PDGFRA: variants seen among roughly 807,000 people sequenced by gnomAD.
PDGFRA encodes the protein platelet-derived growth factor receptor alpha.
PDGFRA carries 25 observed loss-of-function variants against 121.5 expected under a neutral mutation model. That is an observed-to-expected ratio of 0.21 (90% CI 0.15 to 0.29). PDGFRA has a LOEUF of 0.29. Ranked by LOEUF, PDGFRA falls within the 10% of genes least tolerant of loss-of-function variation. PDGFRA has a pLI of 1.00. For missense variants in PDGFRA, 1,008 were observed against 1,345.1 expected, an observed-to-expected ratio of 0.75 and a Z score of 3.92; for synonymous variants, 463 against 494.8, an observed-to-expected ratio of 0.94 and a Z score of 0.85.
intron 9 of PDGFRA, 81 bp from the exon 10 acceptor site, chr4:54,273,456 A>G: frequency 8.9e-7 from 1 of 1,118,158 alleles, no homozygotes; most frequent in Non-Finnish European, 1.4e-6. Context: ...ACTCCTTGCC[A>G]TCTTAGAGTG....
intron 1 of PDGFRA, among the ~76,000 whole-genome samples, chr4:54,257,493 C>T (rs766164132): frequency 2.6e-5 from 4 of 152,164 alleles, no homozygotes; most frequent in Admixed American, 6.5e-5. Flanking sequence ...TTTTGGGATT[C>T]ACCATGTGAC....
chr4:54,285,722 G>A, intron 17 of PDGFRA, 119 bp from the exon 18 acceptor site: 2 of 1,110,678 alleles, frequency 1.8e-6, no homozygotes, highest in East Asian at 2.3e-5. Flanking sequence ...GAGAAGGCCA[G>A]CCCTTTATAT....
intron 3 of PDGFRA, among the ~76,000 whole-genome samples, chr4:54,261,921 A>T (rs1453911868): frequency 8.7e-5 from 6 of 69,196 alleles, no homozygotes; most frequent in Non-Finnish European, 1.7e-4. Context: ...ATATATATAT[A>T]TATATATATA....
chr4:54,272,478 C>T lies in PDGFRA; in HGVS notation c.1322C>T (p.Pro441Leu), dbSNP rs1031763557. The change falls in exon 9 of 23, where the codon CCG (proline) becomes CTG (leucine). Residue 441 changes from proline to leucine, a missense_variant. Physicochemically the swap from Pro to Leu is moderately conservative, Grantham distance 98 (BLOSUM62 -3). Around this residue, in one of 5 missense-constraint regions of PDGFRA, gnomAD observed 575 missense variants for 701.8 expected, o/e 0.82. Transcript: ENST00000257290. ...QTVRCTAEGT[P>L]LPDIEWMICK... ...GTGAGGTGCACAGCTGAAGGCACGC[C>T]GCTTCCTGATATTGAGTGGATGATA... is the stretch of plus-strand genomic sequence containing the variant. 7 of 1,613,792 alleles carry T rather than the reference C, an allele frequency of 4.3e-6. No individual in the cohort carries two copies. Among genetic ancestry groups the T allele is most frequent in the South Asian group, 1.1e-5 (1 of 91,080 alleles).
intron 1 of PDGFRA, among the ~76,000 whole-genome samples, chr4:54,248,083 A>G (rs938968090): frequency 6.6e-6 from 1 of 152,244 alleles, no homozygotes; most frequent in African/African-American, 2.4e-5. Context: ...AACAAATGGA[A>G]GACCATTCCA....
intron 21 of PDGFRA, 86 bp from the exon 22 acceptor site, chr4:54,290,227 A>G: frequency 9.2e-7 from 1 of 1,089,858 alleles, no homozygotes. Context: ...TGTACAGTTA[A>G]ATAATAGTAA....
Position 54,267,308 on chromosome 4 carries a change from T to G in PDGFRA, c.779T>G (p.Met260Arg), listed in dbSNP as rs1412240615. ...CTGTAGAAAGGCAAAGGCATCACAA[T>G]GCTGGAAGAAATCAAAGTCCCATCC... ...PGEVKGKGITMLEEIKVPSIK... is the reference protein window; with the variant it reads ...PGEVKGKGITRLEEIKVPSIK... The change falls in exon 6 of 23, where the codon ATG becomes AGG. Residue 260 changes from methionine (M) to arginine (R), a missense_variant. Coordinates refer to ENST00000257290, the MANE Select transcript of PDGFRA (RefSeq NM_006206.6). 6.2e-7 allele frequency: 1 copy of G among 1,614,120 alleles called. No individual in the cohort carries two copies. The highest frequency in any genetic ancestry group is 8.5e-7 in the Non-Finnish European group (1 of 1,179,970).
chr4:54,243,905 G>C (rs1468220861), intron 1 of PDGFRA, among the ~76,000 whole-genome samples: 1 of 152,160 alleles, frequency 6.6e-6, no homozygotes, highest in Non-Finnish European at 1.5e-5. Flanking sequence ...GGCACACCAG[G>C]AGATTATATC....
rs1473780287 is a variant in PDGFRA, at chr4:54,296,258, G to T, written c.*986G>T. ...GATTAGAAACAAACAAAACTCTTAA[G>T]TCCTAAAAGTTCTCAATGTAGAGGC... On this transcript the variant is annotated 3_prime_UTR_variant, in exon 23 of 23. Coordinates refer to ENST00000257290, the MANE Select transcript of PDGFRA (RefSeq NM_006206.6). 4.3e-6 allele frequency: 1 copy of T among 232,574 alleles called. No homozygotes were observed. The highest frequency in any genetic ancestry group is 5.6e-5 in the Admixed American group (1 of 17,762). 14.4% of individuals were successfully genotyped at this position (232,574 alleles called of 1,614,324 possible).
Position 54,260,046 on chromosome 4 carries a change from C to G in PDGFRA, c.50-1049C>G, listed in dbSNP as rs146189820. On this transcript the variant is annotated intron_variant, in intron 2 of 22. Coordinates refer to ENST00000257290, the MANE Select transcript of PDGFRA (RefSeq NM_006206.6). ...TTGCTGCATTGCACTTACTCTATTGCAAAAGGAGTAAGTGCAATTTCAGTC... is the reference window on the plus strand; with the variant it reads ...TTGCTGCATTGCACTTACTCTATTGGAAAAGGAGTAAGTGCAATTTCAGTC... 5.8e-3 allele frequency among the ~76,000 whole-genome samples: 875 copies of G among 152,100 alleles called. 31 individuals carry two copies. Among genetic ancestry groups the G allele is most frequent in the Admixed American group, 0.044 (679 of 15,274 alleles).
intron 1 of PDGFRA, among the ~76,000 whole-genome samples, chr4:54,241,395 G>A (rs1289795570): frequency 1.3e-5 from 2 of 151,936 alleles, no homozygotes; most frequent in Non-Finnish European, 2.9e-5. Flanking sequence ...TAGAAAAGAA[G>A]GAAATATAGG....
At chr4:54,279,123 G>A (rs1723926618) in intron 15 of PDGFRA, among the ~76,000 whole-genome samples, 1 of 152,208 alleles carries the variant, frequency 6.6e-6, no homozygotes, top group Admixed American at 6.5e-5. Flanking sequence ...CAAGGCTTGT[G>A]AGTTGAAAAA....
chr4:54,292,233 G>A (rs577055265), intron 22 of PDGFRA, among the ~76,000 whole-genome samples: 2 of 152,218 alleles, frequency 1.3e-5, no homozygotes, highest in South Asian at 2.1e-4. Context: ...GTTCACTGCT[G>A]CACTGTTCAC....
At chr4:54,258,645 T>A (rs1002851858) in intron 1 of PDGFRA, 112 bp from the exon 2 acceptor site, 2 of 783,866 alleles carry the variant, frequency 2.6e-6, no homozygotes, top group African/African-American at 3.4e-5. Flanking sequence ...GGGACATGTT[T>A]GACTAAAATG....
At chr4:54,283,850 C>A (rs1470631800) in intron 16 of PDGFRA, among the ~76,000 whole-genome samples, 1 of 152,226 alleles carries the variant, frequency 6.6e-6, no homozygotes, top group Non-Finnish European at 1.5e-5. Flanking sequence ...AATCCTCTCA[C>A]TCATCCTCCC....
chr4:54,274,164 C>T (rs958402070), intron 10 of PDGFRA, among the ~76,000 whole-genome samples: 11 of 152,322 alleles, frequency 7.2e-5, no homozygotes, highest in Admixed American at 2.0e-4. Context: ...CAAAATGCAA[C>T]TTACAAAATA....
chr4:54,287,290 A>G (rs1724407487), intron 18 of PDGFRA, 140 bp from the exon 19 acceptor site: 2 of 740,204 alleles, frequency 2.7e-6, no homozygotes, highest in Non-Finnish European at 5.0e-6. Context: ...AATGAACAAA[A>G]CACATGTAAA....
chr4:54,253,503 A>G (rs1321902974), intron 1 of PDGFRA, among the ~76,000 whole-genome samples: 2 of 152,162 alleles, frequency 1.3e-5, no homozygotes, highest in Non-Finnish European at 2.9e-5. Context: ...GAGTCAACAG[A>G]GCAGGGGTCT....
intron 15 of PDGFRA, chr4:54,278,729 T>C: frequency 3.0e-6 from 2 of 661,428 alleles, no homozygotes; most frequent in South Asian, 1.6e-5. Flanking sequence ...GGGAAGGCCT[T>C]GCTGATAGGT....
Sources: gnomAD v4.1 joint callset for allele counts (sites outside exome capture counted in the v4.1 genomes callset) on GRCh38, gnomAD v4.1.1 for gene constraint, gnomAD v4.1.1 regional missense constraint, MANE v1.5 for transcripts, NCBI Gene and HGNC (gene_info 2026-07-23, HGNC 2026-07-21) for gene names.